Variants in BCL6B observed in about 807,000 individuals in gnomAD.
BCL6B encodes the protein BCL6B transcription repressor, also known as B-cell CLL/lymphoma 6 member B protein.
A neutral mutation model predicts 44.6 loss-of-function variants in BCL6B; 28 were observed. That is an observed-to-expected ratio of 0.63 (90% CI 0.47 to 0.86). The LOEUF is 0.86. BCL6B is among the 40% of genes least tolerant of loss of function. The pLI is 0.00. For synonymous variants in BCL6B, 268 were observed against 263.6 expected (o/e 1.02, Z -0.16); for missense variants, 626 against 652.3 (o/e 0.96, Z 0.44).
chr17:7,027,711 GTGCCAGGCCACTTTGGTATCAGAAAT>G lies in BCL6B; in HGVS notation c.*98_*123del. The G allele has an allele frequency of 1.3e-6, 2 of 1,559,454 alleles. No homozygotes were observed. Among genetic ancestry groups the G allele is most frequent in the Non-Finnish European group, 1.7e-6 (2 of 1,158,294 alleles). Reference sequence around the variant, plus strand: ...CCCTATCAGGCTTGGGCATAGGGGTGTGCCAGGCCACTTTGGTATCAGAAATTGCCACCCTCTTAATTTCTCACTGG... The same window carrying G: ...CCCTATCAGGCTTGGGCATAGGGGTGTGCCACCCTCTTAATTTCTCACTGG... On this transcript the variant is annotated 3_prime_UTR_variant, in exon 9 of 9. Coordinates refer to ENST00000293805, the MANE Select transcript of BCL6B (RefSeq NM_181844.4).
chr17:7,029,497 G>A lies in BCL6B; in HGVS notation c.*1878G>A, dbSNP rs1480136821. On this transcript the variant is annotated 3_prime_UTR_variant, in exon 9 of 9. Transcript: ENST00000293805. ...CCCATGGCCCCACTGCAGAATTAAA[G>A]AAGGAAGAAGGGAAGGCGGAGGAGT... 21 of 1,052,984 alleles carry A rather than the reference G, an allele frequency of 2.0e-5. No individual in the cohort carries two copies. Among genetic ancestry groups the A allele is most frequent in the African/African-American group, 5.1e-5 (3 of 58,522 alleles). The allele number at this position is 1,052,984 out of a possible 1,614,324, so 65.2% of individuals were successfully genotyped here.
Position 7,024,679 on chromosome 17 carries a change from TC to T in BCL6B, c.684del (p.Ser229ValfsTer143). On this transcript the variant is annotated frameshift_variant, in exon 4 of 9. Coordinates refer to ENST00000293805, the MANE Select transcript of BCL6B (RefSeq NM_181844.4). LOFTEE classifies it high-confidence loss of function. This position sits in a 1 kb window ranked among gnomAD's most constrained non-coding sequence, Gnocchi z 6.6. ...GGTCAACCTTGCCCCCAAGCCAGGC[TC>T]CCCAGTGGAGACGAGGCCTCCAGCA... Reference protein sequence around the residue: ...SSGQPCPQARLPSGDEASSSS... With the variant: ...SSGQPCPQARXPSGDEASSSS... The T allele has an allele frequency of 6.2e-7, 1 of 1,610,654 alleles. No individual in the cohort carries two copies. The highest frequency in any genetic ancestry group is 8.5e-7 in the Non-Finnish European group (1 of 1,179,168).
Position 7,028,308 on chromosome 17 carries a change from C to A in BCL6B, c.*689C>A. On this transcript the variant is annotated 3_prime_UTR_variant, in exon 9 of 9. Coordinates refer to ENST00000293805, the MANE Select transcript of BCL6B (RefSeq NM_181844.4). ...CGGGATTGTGGAATTGGGTCAGGAA[C>A]CCTCTCTGGTATTCTGGATGTTGTA... The A allele has an allele frequency of 1.0e-6, 1 of 985,456 alleles. No homozygotes were observed. Among genetic ancestry groups the A allele is most frequent in the Middle Eastern group, 5.2e-4 (1 of 1,914 alleles). 61.0% of individuals were successfully genotyped at this position (985,456 alleles called of 1,614,324 possible).
Position 7,024,172 on chromosome 17 carries a change from C to T in BCL6B, c.269C>T (p.Ala90Val). 1 of 1,613,978 alleles carries T rather than the reference C, an allele frequency of 6.2e-7. No individual in the cohort carries two copies. The highest frequency in any genetic ancestry group is 8.5e-7 in the Non-Finnish European group (1 of 1,180,020). Reference sequence around the variant, plus strand: ...GGGGGTCCCGAAGCGAGAGGCTTCGCCCCTCTATTGGACTTCATGTACACT... The same window carrying T: ...GGGGGTCCCGAAGCGAGAGGCTTCGTCCCTCTATTGGACTTCATGTACACT... ...LPGGPEARGF[A>V]PLLDFMYTSR... The change falls in exon 3 of 9, where the codon GCC becomes GTC. Residue 90 changes from alanine to valine, a missense_variant. By Grantham distance (64) the Ala-to-Val change is moderately conservative. Coordinates refer to ENST00000293805, the MANE Select transcript of BCL6B (RefSeq NM_181844.4). This position sits in a 1 kb window ranked among gnomAD's most constrained non-coding sequence, Gnocchi z 6.6.
At chr17:7,027,414 C>G in intron 8 of BCL6B, 89 bp from the exon 9 acceptor site, 1 of 1,443,038 alleles carries the variant, frequency 6.9e-7, no homozygotes, top group Non-Finnish European at 9.7e-7. Context: ...TGGATAGTTC[C>G]CACCTGGGAG....
Position 7,024,305 on chromosome 17 carries a change from G to T in BCL6B, c.401+1G>T. 6.2e-7 allele frequency: 1 copy of T among 1,613,790 alleles called. No homozygotes were observed. Among genetic ancestry groups the T allele is most frequent in the Admixed American group, 1.7e-5 (1 of 60,030 alleles). ...CATGCCACCGCTTCATCCAGGCCAG[G>T]TGAGGGACCCTGGCTCGGCGTTCTC... On this transcript the variant is annotated splice_donor_variant, in intron 3 of 8. Transcript: ENST00000293805. LOFTEE classifies it high-confidence loss of function. The surrounding 1 kb of genome is among the most constrained non-coding windows in gnomAD (Gnocchi z 6.6).
At position 7,023,838 on chromosome 17, in the gene BCL6B, T is replaced by A; in HGVS notation, c.167T>A (p.Leu56His). ...GQPLRAHKAVLIACSGFFYSI... is the reference protein window; with the variant it reads ...GQPLRAHKAVHIACSGFFYSI... Reference sequence around the variant, plus strand: ...CCCCTCAGAGCACACAAGGCAGTTCTCATCGCCTGCAGGTTCGAGGGGTGG... The same window carrying A: ...CCCCTCAGAGCACACAAGGCAGTTCACATCGCCTGCAGGTTCGAGGGGTGG... The change falls in exon 2 of 9, where the codon CTC (leucine) becomes CAC (histidine). Residue 56 changes from leucine (L) to histidine (H), a missense_variant. By Grantham distance (99) the Leu-to-His change is moderately conservative (BLOSUM62 -3). Transcript: ENST00000293805. 1.4e-6 allele frequency: 2 copies of A among 1,432,058 alleles called. No homozygotes were observed. Among genetic ancestry groups the A allele is most frequent in the Non-Finnish European group, 1.9e-6 (2 of 1,054,316 alleles). 88.7% of individuals were successfully genotyped at this position (1,432,058 alleles called of 1,614,324 possible). A position where few individuals can be genotyped will look rare whatever the true frequency, so the allele number is the denominator to read the frequency against.
At position 7,026,721 on chromosome 17, in the gene BCL6B, C is replaced by T. The variant is rs1476292617; in HGVS notation, c.1071C>T (p.His357=). 1.9e-6 allele frequency: 3 copies of T among 1,614,166 alleles called. No individual in the cohort carries two copies. The highest frequency in any genetic ancestry group is 1.7e-6 in the Non-Finnish European group (2 of 1,180,062). The change falls in exon 7 of 9, where the codon CAC becomes CAT. Residue 357 remains histidine (H), a synonymous_variant. Transcript: ENST00000293805. ...TGCCTCCAGGGGAAAAGCCTTACCACTGCTCAATCTGCGGAGCCCGTTTTA... is the reference window on the plus strand; with the variant it reads ...TGCCTCCAGGGGAAAAGCCTTACCATTGCTCAATCTGCGGAGCCCGTTTTA... ...RTVHTGEKPY[H]CSICGARFNR...
intron 5 of BCL6B, among the ~76,000 whole-genome samples, chr17:7,025,836 CAAAAAAAAAAA>C (rs56693603): frequency 3.3e-5 from 2 of 61,246 alleles, no homozygotes; most frequent in African/African-American, 1.2e-4. Flanking sequence ...GACTCTGTCT[CAAAAAAAAAAA>C]AAAAAAAAAA....
chr17:7,026,656 C>T, intron 6 of BCL6B, 35 bp downstream of exon 6: 1 of 1,614,102 alleles, frequency 6.2e-7, no homozygotes, highest in African/African-American at 1.3e-5. Flanking sequence ...TTCAAGCCCA[C>T]AGCTGTCCTA....
Position 7,028,631 on chromosome 17 carries a change from G to A in BCL6B, c.*1012G>A, listed in dbSNP as rs1370900248. 6 of 985,314 alleles carry A rather than the reference G, an allele frequency of 6.1e-6. No homozygotes were observed. The highest frequency in any genetic ancestry group is 7.2e-6 in the Non-Finnish European group (6 of 829,954). 61.0% of individuals were successfully genotyped at this position (985,314 alleles called of 1,614,324 possible). A position where few individuals can be genotyped will look rare whatever the true frequency, so the allele number is the denominator to read the frequency against. ...CAAGTGGAGTCCATCATCCTCCCAC[G>A]GGGGCCTGTTCTTAGCACTGAGTTG... On this transcript the variant is annotated 3_prime_UTR_variant, in exon 9 of 9. Coordinates refer to ENST00000293805, the MANE Select transcript of BCL6B (RefSeq NM_181844.4).
At chr17:7,025,704 G>A (rs1053330111) in intron 5 of BCL6B, among the ~76,000 whole-genome samples, 2 of 152,048 alleles carry the variant, frequency 1.3e-5, no homozygotes, top group South Asian at 2.1e-4. Context: ...GGGCACGGTG[G>A]TGCACACCTG....
chr17:7,026,417 A>C, intron 5 of BCL6B, 40 bp from the exon 6 acceptor site: 1 of 1,607,222 alleles, frequency 6.2e-7, no homozygotes, highest in Non-Finnish European at 8.5e-7. Context: ...GATAGCCCTC[A>C]TTAATAACTA....
Position 7,028,140 on chromosome 17 carries a change from T to C in BCL6B, c.*521T>C, listed in dbSNP as rs1182390000. The C allele has an allele frequency of 2.0e-6, 2 of 986,600 alleles. No homozygotes were observed. Among genetic ancestry groups the C allele is most frequent in the South Asian group, 9.4e-5 (2 of 21,350 alleles). The allele number at this position is 986,600 out of a possible 1,614,324, so 61.1% of individuals were successfully genotyped here. A position where few individuals can be genotyped will look rare whatever the true frequency, so the allele number is the denominator to read the frequency against. On this transcript the variant is annotated 3_prime_UTR_variant, in exon 9 of 9. Transcript: ENST00000293805. ...TGGGTATTTTATATTATTTCTGTCA[T>C]AACTTTTATCTTTAGAATTGTTCTT...
rs887068995 is a variant in BCL6B at position 7,027,741 on chromosome 17, CA to C, written c.*123del. 3 of 1,504,784 alleles carry C rather than the reference CA, an allele frequency of 2.0e-6. No homozygotes were observed. In the African/African-American group the frequency reaches 4.2e-5, roughly 21 times the overall value. 93.2% of individuals were successfully genotyped at this position (1,504,784 alleles called of 1,614,324 possible). A position where few individuals can be genotyped will look rare whatever the true frequency, so the allele number is the denominator to read the frequency against. The stretch of plus-strand genomic sequence containing the variant: ...AGGCCACTTTGGTATCAGAAATTGC[CA>C]CCCTCTTAATTTCTCACTGGGGAGA... On this transcript the variant is annotated 3_prime_UTR_variant, in exon 9 of 9. Transcript: ENST00000293805.
chr17:7,027,587 A>G lies in BCL6B; in HGVS notation c.1408A>G (p.Lys470Glu), dbSNP rs1332362282. Residue 470 changes from lysine to glutamate, a missense_variant, in exon 9 of 9, where the codon AAA (lysine) becomes GAA (glutamate). By Grantham distance (56) the Lys-to-Glu change is moderately conservative. Coordinates refer to ENST00000293805, the MANE Select transcript of BCL6B (RefSeq NM_181844.4). ...RQKHGAATNT[K>E]VHYHILGGP is the part of the protein sequence containing the mutation. The stretch of plus-strand genomic sequence containing the variant: ...GAAACACGGAGCTGCTACCAACACC[A>G]AAGTGCACTACCACATTCTCGGGGG... The G allele has an allele frequency of 1.2e-6, 2 of 1,613,458 alleles. No individual in the cohort carries two copies. The highest frequency in any genetic ancestry group is 1.7e-6 in the Non-Finnish European group (2 of 1,179,938).
At chr17:7,027,401 C>G in intron 8 of BCL6B, 102 bp from the exon 9 acceptor site, 7 of 1,345,458 alleles carry the variant, frequency 5.2e-6, no homozygotes, top group Non-Finnish European at 7.3e-6. Context: ...GCTGATCTTC[C>G]GCTGGATAGT....
At chr17:7,027,415 C>T in intron 8 of BCL6B, 88 bp from the exon 9 acceptor site, 1 of 1,449,640 alleles carries the variant, frequency 6.9e-7, no homozygotes, top group Non-Finnish European at 9.6e-7. Context: ...GGATAGTTCC[C>T]ACCTGGGAGA....
At position 7,024,152 on chromosome 17, in the gene BCL6B, T is replaced by A. The variant is rs990103242; in HGVS notation, c.249T>A (p.Gly83=). 6.2e-7 allele frequency: 1 copy of A among 1,613,570 alleles called. No individual in the cohort carries two copies. The change falls in exon 3 of 9, where the codon GGT becomes GGA. Residue 83 remains glycine (G), a synonymous_variant. Transcript: ENST00000293805. This position sits in a 1 kb window ranked among gnomAD's most constrained non-coding sequence, Gnocchi z 6.6. ...VGVDVLSLPG[G]PEARGFAPLL... is the part of the protein sequence containing the mutation. ...TGGACGTGCTCTCTCTGCCCGGGGG[T>A]CCCGAAGCGAGAGGCTTCGCCCCTC...
Sources: gnomAD v4.1 joint callset for allele counts (sites outside exome capture counted in the v4.1 genomes callset) on GRCh38, gnomAD v4.1.1 for gene constraint, Gnocchi (gnomAD v3.1) non-coding constraint, MANE v1.5 for transcripts, NCBI Gene and HGNC (gene_info 2026-07-23, HGNC 2026-07-21) for gene names.